RAB22A: variants seen among roughly 807,000 people sequenced by gnomAD.
The protein encoded by RAB22A is ras-related protein Rab-22A.
Under a neutral mutation model 30.2 loss-of-function variants are expected in RAB22A, and 13 were observed. The ratio of observed to expected loss-of-function variants is 0.43; its 90% CI spans 0.28 to 0.68. RAB22A has a LOEUF of 0.68. Ranked by LOEUF, RAB22A falls within the 30% of genes least tolerant of loss-of-function variation. RAB22A has a pLI of 0.18. For missense variants in RAB22A, 177 were observed against 246.8 expected, an observed-to-expected ratio of 0.72 and a Z score of 1.89; for synonymous variants, 89 against 87.2, an observed-to-expected ratio of 1.02 and a Z score of -0.11.
rs1987208576 is a variant in RAB22A at position 58,360,544 on chromosome 20, TG to T, written c.*843del. 1 of 152,644 alleles carries T rather than the reference TG, an allele frequency of 6.6e-6. No homozygotes were observed. The highest frequency in any genetic ancestry group is 6.5e-5 in the Admixed American group (1 of 15,282). 9.5% of individuals were successfully genotyped at this position (152,644 alleles called of 1,614,324 possible). ...CAATTTTTTTTTAACCCAAGTATTT[TG>T]GTGGGGAAAAGCAAGTATCTATTGC... is the stretch of plus-strand genomic sequence containing the variant. On this transcript the variant is annotated 3_prime_UTR_variant, in exon 7 of 7. Coordinates refer to ENST00000244040, the MANE Select transcript of RAB22A (RefSeq NM_020673.3).
At chr20:58,350,833 C>A (rs1987035756) in intron 3 of RAB22A, among the ~76,000 whole-genome samples, 1 of 152,102 alleles carries the variant, frequency 6.6e-6, no homozygotes, top group African/African-American at 2.4e-5. Context: ...CTAGAAATGG[C>A]AAATAGAAAC....
chr20:58,356,235 C>T (rs913208651), intron 6 of RAB22A, among the ~76,000 whole-genome samples: 4 of 150,782 alleles, frequency 2.7e-5, no homozygotes, highest in Admixed American at 6.6e-5. Flanking sequence ...CGCTTGAACC[C>T]GGGAGGTGGA....
rs1464078982 is a variant in RAB22A at position 58,362,462 on chromosome 20, G to A, written c.*2759G>A. 1 of 152,170 alleles carries A rather than the reference G, an allele frequency of 6.6e-6. No homozygotes were observed. Among genetic ancestry groups the A allele is most frequent in the Non-Finnish European group, 1.5e-5 (1 of 68,020 alleles). 9.4% of individuals were successfully genotyped at this position (152,170 alleles called of 1,614,324 possible). On this transcript the variant is annotated 3_prime_UTR_variant, in exon 7 of 7. Coordinates refer to ENST00000244040, the MANE Select transcript of RAB22A (RefSeq NM_020673.3). ...ACATGTTTGGTTTTCTTACGATACA[G>A]GGCCATTTTTTTAAAACTCTCAGGA... is the stretch of plus-strand genomic sequence containing the variant.
chr20:58,310,121 G>T, intron 1 of RAB22A, 109 bp downstream of exon 1: 1 of 1,099,626 alleles, frequency 9.1e-7, no homozygotes, highest in Non-Finnish European at 1.1e-6. Context: ...CCAAGACGCT[G>T]TCTGCCAGCC....
At chr20:58,314,426 CAT>C (rs1033417013) in intron 2 of RAB22A, among the ~76,000 whole-genome samples, 2 of 152,168 alleles carry the variant, frequency 1.3e-5, no homozygotes, top group Non-Finnish European at 2.9e-5. Context: ...ACTATGAAAA[CAT>C]GTGACAGGGA....
Position 58,310,026 on chromosome 20 carries a change from G to T in RAB22A, c.36+14G>T, listed in dbSNP as rs780921637. 2 of 1,268,566 alleles carry T rather than the reference G, an allele frequency of 1.6e-6. No individual in the cohort carries two copies. Among genetic ancestry groups the T allele is most frequent in the East Asian group, 6.2e-5 (2 of 32,164 alleles). 78.6% of individuals were successfully genotyped at this position (1,268,566 alleles called of 1,614,324 possible). On this transcript the variant is annotated intron_variant, in intron 1 of 6. Transcript: ENST00000244040. ...TGTCTGCTCGGGGTGAGTGGCGGCG[G>T]GTCCGGCCGGGAGGGCCACGGGAGG...
intron 2 of RAB22A, among the ~76,000 whole-genome samples, chr20:58,333,529 ATTGT>A: frequency 6.6e-6 from 1 of 152,306 alleles, no homozygotes; most frequent in Non-Finnish European, 1.5e-5. Flanking sequence ...TAACAATTAT[ATTGT>A]TTGTTTGTAA....
intron 2 of RAB22A, among the ~76,000 whole-genome samples, chr20:58,320,163 T>C (rs1806154834): frequency 6.6e-6 from 1 of 152,160 alleles, no homozygotes; most frequent in South Asian, 2.1e-4. Flanking sequence ...TTGTGTAGAA[T>C]TGGTATTACG....
chr20:58,341,288 G>A (rs1040869611), intron 2 of RAB22A, among the ~76,000 whole-genome samples: 3 of 152,188 alleles, frequency 2.0e-5, no homozygotes, highest in African/African-American at 7.2e-5. Context: ...TGGAATGGAA[G>A]AAGGCCTAAG....
At chr20:58,341,267 G>A (rs1986848568) in intron 2 of RAB22A, among the ~76,000 whole-genome samples, 1 of 152,206 alleles carries the variant, frequency 6.6e-6, no homozygotes, top group Non-Finnish European at 1.5e-5. Flanking sequence ...GAGAATGTGG[G>A]ATAATTGCTG....
chr20:58,322,350 A>G (rs561740116), intron 2 of RAB22A, among the ~76,000 whole-genome samples: 1 of 152,304 alleles, frequency 6.6e-6, no homozygotes, highest in Non-Finnish European at 1.5e-5. Context: ...CCTTTTAATT[A>G]TTTAGACCTC....
In RAB22A at chr20:58,366,399, C is replaced by T. The variant is rs1987317531; in HGVS notation, c.*6696C>T. 1 of 152,154 alleles carries T rather than the reference C, an allele frequency of 6.6e-6. No individual in the cohort carries two copies. The highest frequency in any genetic ancestry group is 1.5e-5 in the Non-Finnish European group (1 of 68,024). The allele number at this position is 152,154 out of a possible 1,614,324, so 9.4% of individuals were successfully genotyped here. A position where few individuals can be genotyped will look rare whatever the true frequency, so the allele number is the denominator to read the frequency against. On this transcript the variant is annotated 3_prime_UTR_variant, in exon 7 of 7. Coordinates refer to ENST00000244040, the MANE Select transcript of RAB22A (RefSeq NM_020673.3). ...AGTTAGATAGAAGGAATAGTTCCAGCATTCGATATTACAGTAGGGAGACTG... is the reference window on the plus strand; with the variant it reads ...AGTTAGATAGAAGGAATAGTTCCAGTATTCGATATTACAGTAGGGAGACTG...
At position 58,361,929 on chromosome 20, in the gene RAB22A, T is replaced by G. The variant is rs1285765769; in HGVS notation, c.*2226T>G. 1 of 152,192 alleles carries G rather than the reference T, an allele frequency of 6.6e-6. No individual in the cohort carries two copies. Among genetic ancestry groups the G allele is most frequent in the Non-Finnish European group, 1.5e-5 (1 of 68,038 alleles). 9.4% of individuals were successfully genotyped at this position (152,192 alleles called of 1,614,324 possible). A position where few individuals can be genotyped will look rare whatever the true frequency, so the allele number is the denominator to read the frequency against. The stretch of plus-strand genomic sequence containing the variant: ...CTGGATGTGTCTGATCTTACTGTGA[T>G]GTTTTACTGTACCGAGCCCAATGTG... On this transcript the variant is annotated 3_prime_UTR_variant, in exon 7 of 7. Transcript: ENST00000244040.
chr20:58,313,953 T>G (rs1986283027), intron 2 of RAB22A, among the ~76,000 whole-genome samples: 1 of 152,244 alleles, frequency 6.6e-6, no homozygotes, highest in Non-Finnish European at 1.5e-5. Flanking sequence ...AGAGCAAGTT[T>G]GCTGACCCCG....
intron 2 of RAB22A, among the ~76,000 whole-genome samples, chr20:58,335,735 G>A (rs1048747984): frequency 3.3e-5 from 5 of 152,140 alleles, no homozygotes; most frequent in African/African-American, 1.2e-4. Context: ...ACATATGACT[G>A]TATTACCTAT....
Position 58,363,296 on chromosome 20 carries a change from A to ATT in RAB22A, c.*3594_*3595insTT, listed in dbSNP as rs1987260089. 6.6e-6 allele frequency: 1 copy of ATT among 152,232 alleles called. No individual in the cohort carries two copies. The highest frequency in any genetic ancestry group is 2.1e-4 in the South Asian group (1 of 4,834). The allele number at this position is 152,232 out of a possible 1,614,324, so 9.4% of individuals were successfully genotyped here. On this transcript the variant is annotated 3_prime_UTR_variant, in exon 7 of 7. Transcript: ENST00000244040. ...ACTTTCACTTATTCTTTCAGAATACATCAAGGATGTGATTTATGGGCCCTT... is the reference window on the plus strand; with the variant it reads ...ACTTTCACTTATTCTTTCAGAATACATTTCAAGGATGTGATTTATGGGCCCTT...
chr20:58,317,541 A>G (rs910740770), intron 2 of RAB22A, among the ~76,000 whole-genome samples: 1 of 151,088 alleles, frequency 6.6e-6, no homozygotes, highest in Non-Finnish European at 1.5e-5. Context: ...AACTCAATAA[A>G]TGGTAGTTAT....
Position 58,336,231 on chromosome 20 carries a change from C to G in RAB22A, c.117-7487C>G, listed in dbSNP as rs772933557. ...TTCACCATGTTGGCCAGGCTGGTCT[C>G]GTACTCCTGACCTCAAGTGATCCAC... On this transcript the variant is annotated intron_variant, in intron 2 of 6. Coordinates refer to ENST00000244040, the MANE Select transcript of RAB22A (RefSeq NM_020673.3). Among the ~76,000 whole-genome samples, 3 of 152,112 alleles carry G rather than the reference C, an allele frequency of 2.0e-5. No individual in the cohort carries two copies. The South Asian group carries it at 6.2e-4, about 32-fold the overall frequency.
intron 2 of RAB22A, among the ~76,000 whole-genome samples, chr20:58,338,306 T>A (rs1986796342): frequency 6.6e-6 from 1 of 152,164 alleles, no homozygotes; most frequent in African/African-American, 2.4e-5. Context: ...GATTACAGGC[T>A]TGAGCCACCG....
Sources: allele counts gnomAD v4.1 joint callset (sites outside exome capture counted in the v4.1 genomes callset), GRCh38; gene constraint gnomAD v4.1.1; transcripts MANE v1.5; gene names NCBI Gene and HGNC (gene_info 2026-07-23, HGNC 2026-07-21).